SLC25A21: variants seen among roughly 807,000 people sequenced by gnomAD.
SLC25A21 encodes the protein solute carrier family 25 member 21.
In SLC25A21, 47 loss-of-function variants were observed where a neutral mutation model predicts 43.8. The ratio of observed to expected loss-of-function variants is 1.07; its 90% CI spans 0.85 to 1.37. The LOEUF (loss-of-function observed/expected upper bound fraction) is 1.37. Among genes scored for constraint, SLC25A21 ranks in the 40% most tolerant of loss-of-function variants. SLC25A21 has a pLI of 0.00. For missense variants in SLC25A21, 352 were observed against 350.2 expected, an observed-to-expected ratio of 1.00 and a Z score of -0.04; for synonymous variants, 131 against 121.3, an observed-to-expected ratio of 1.08 and a Z score of -0.52.
chr14:36,907,019 A>G (rs1891553685), intron 1 of SLC25A21, among the ~76,000 whole-genome samples: 1 of 152,138 alleles, frequency 6.6e-6, no homozygotes, highest in Admixed American at 6.6e-5. Context: ...GGATCATTGG[A>G]AAAATGCCAG....
chr14:37,154,459 A>AT (rs1345718161), intron 1 of SLC25A21, among the ~76,000 whole-genome samples: 4 of 124,506 alleles, frequency 3.2e-5, no homozygotes, highest in Admixed American at 1.6e-4. Context: ...CACAGGAAAC[A>AT]TAAAAAAAAA....
chr14:36,896,111 C>T (rs922988197), intron 1 of SLC25A21, among the ~76,000 whole-genome samples: 5 of 152,080 alleles, frequency 3.3e-5, no homozygotes, highest in African/African-American at 4.8e-5. Context: ...CTTTCTGTCT[C>T]GTTGATCTGT....
At chr14:36,682,785 G>C (rs1347047757) in intron 9 of SLC25A21, among the ~76,000 whole-genome samples, 1 of 152,318 alleles carries the variant, frequency 6.6e-6, no homozygotes, top group Middle Eastern at 3.4e-3. Context: ...CAAAATCCAT[G>C]TGTAAAGGCC....
At chr14:37,137,093 C>A (rs1348856147) in intron 1 of SLC25A21, among the ~76,000 whole-genome samples, 1 of 152,152 alleles carries the variant, frequency 6.6e-6, no homozygotes. Flanking sequence ...CTCCGCCTTC[C>A]GGGTTCACGC....
At chr14:36,962,860 G>T (rs1450125234) in intron 1 of SLC25A21, among the ~76,000 whole-genome samples, 1 of 152,088 alleles carries the variant, frequency 6.6e-6, no homozygotes, top group African/African-American at 2.4e-5. Context: ...CCAAACACAT[G>T]AAATTCATTT....
At chr14:36,748,820 C>T (rs1366261736) in intron 3 of SLC25A21, among the ~76,000 whole-genome samples, 1 of 152,186 alleles carries the variant, frequency 6.6e-6, no homozygotes, top group African/African-American at 2.4e-5. Context: ...TAACAGGCAT[C>T]TTGTAATTAG....
intron 7 of SLC25A21, among the ~76,000 whole-genome samples, chr14:36,689,436 T>A (rs892079036): frequency 6.6e-6 from 1 of 152,170 alleles, no homozygotes; most frequent in Non-Finnish European, 1.5e-5. Flanking sequence ...GTTGATTTTA[T>A]TAGGCTTGTA....
At position 36,694,915 on chromosome 14, in the gene SLC25A21, A is replaced by G. The variant is rs888406566; in HGVS notation, c.604-9990T>C. 1.8e-4 allele frequency among the ~76,000 whole-genome samples: 27 copies of G among 152,268 alleles called. 1 individual carries two copies. Among genetic ancestry groups the G allele is most frequent in the Non-Finnish European group, 3.2e-4 (22 of 68,030 alleles). Reference sequence around the variant, plus strand: ...CATGCAGAAGCTCTTTAGTTTAATTAGATCCCATTTGTCAGTTTTGGCTTT... The same window carrying G: ...CATGCAGAAGCTCTTTAGTTTAATTGGATCCCATTTGTCAGTTTTGGCTTT... On this transcript the variant is annotated intron_variant, in intron 7 of 9. Coordinates refer to ENST00000331299, the MANE Select transcript of SLC25A21 (RefSeq NM_030631.4).
chr14:36,913,651 G>A (rs928769205), intron 1 of SLC25A21, among the ~76,000 whole-genome samples: 6 of 152,160 alleles, frequency 3.9e-5, no homozygotes, highest in African/African-American at 1.4e-4. Flanking sequence ...GTAAAACAAG[G>A]GTTAAGTTTG....
At position 37,118,523 on chromosome 14, in the gene SLC25A21, C is replaced by A. The variant is rs1963148130; in HGVS notation, c.70+53758G>T. The stretch of plus-strand genomic sequence containing the variant: ...TAAAGCTCTTTCTCTATTGCAGTTC[C>A]CCTGCCTTGATAAATTGGCTTTATC... On this transcript the variant is annotated intron_variant, in intron 1 of 9. Coordinates refer to ENST00000331299, the MANE Select transcript of SLC25A21 (RefSeq NM_030631.4). Among the ~76,000 whole-genome samples, 3 of 152,180 alleles carry A rather than the reference C, an allele frequency of 2.0e-5. No individual in the cohort carries two copies. In the South Asian group the frequency reaches 6.2e-4, roughly 32 times the overall value.
intron 7 of SLC25A21, among the ~76,000 whole-genome samples, chr14:36,703,501 T>G (rs1883368965): frequency 6.6e-6 from 1 of 152,228 alleles, no homozygotes; most frequent in Non-Finnish European, 1.5e-5. Context: ...TTTGAAAAAT[T>G]GTTCTCTTTT....
chr14:36,868,111 G>A lies in SLC25A21; in HGVS notation c.119+6845C>T, dbSNP rs530458693. On this transcript the variant is annotated intron_variant, in intron 2 of 9. Coordinates refer to ENST00000331299, the MANE Select transcript of SLC25A21 (RefSeq NM_030631.4). ...AGGAGAGCGGAGAAAAGGAGGGAGA[G>A]AGGGAGAAAGAGAGTGTATCAGAGA... 4.6e-5 allele frequency among the ~76,000 whole-genome samples: 7 copies of A among 151,480 alleles called. No individual in the cohort carries two copies. In the South Asian group the frequency reaches 1.0e-3, roughly 23 times the overall value.
intron 2 of SLC25A21, among the ~76,000 whole-genome samples, chr14:36,869,714 C>A (rs569445096): frequency 2.6e-5 from 4 of 152,278 alleles, no homozygotes; most frequent in Admixed American, 2.6e-4. Flanking sequence ...TGGCCCCATA[C>A]CAGAAACAAG....
At chr14:37,134,212 T>A (rs976305128) in intron 1 of SLC25A21, among the ~76,000 whole-genome samples, 1 of 152,214 alleles carries the variant, frequency 6.6e-6, no homozygotes, top group Non-Finnish European at 1.5e-5. Flanking sequence ...ATTTTTGTAC[T>A]TGTGAGACTT....
At chr14:36,904,965 A>C (rs1377966748) in intron 1 of SLC25A21, among the ~76,000 whole-genome samples, 1 of 152,152 alleles carries the variant, frequency 6.6e-6, no homozygotes, top group Non-Finnish European at 1.5e-5. Flanking sequence ...GAAGTAGCAA[A>C]ACTGGCCCAG....
intron 1 of SLC25A21, among the ~76,000 whole-genome samples, chr14:36,989,888 A>T (rs1960227097): frequency 7.9e-6 from 1 of 126,418 alleles, no homozygotes; most frequent in African/African-American, 3.2e-5. Context: ...TTCCTTTTCA[A>T]AAAAAAAGGG....
In SLC25A21 at chr14:37,172,509, G is replaced by C; in HGVS notation, c.-159C>G. 3 of 808,600 alleles carry C rather than the reference G, an allele frequency of 3.7e-6. No individual in the cohort carries two copies. The highest frequency in any genetic ancestry group is 2.9e-5 in the South Asian group (2 of 68,908). The allele number at this position is 808,600 out of a possible 1,614,324, so 50.1% of individuals were successfully genotyped here. On this transcript the variant is annotated 5_prime_UTR_variant, in exon 1 of 10. Transcript: ENST00000331299. ...GGCGACTGCTGGAAAGCGAGGGTTCGAGGCGCAGATTCGTCGCGCGATCTC... is the reference window on the plus strand; with the variant it reads ...GGCGACTGCTGGAAAGCGAGGGTTCCAGGCGCAGATTCGTCGCGCGATCTC...
At chr14:36,706,469 C>CA (rs1883572416) in intron 7 of SLC25A21, among the ~76,000 whole-genome samples, 1 of 152,132 alleles carries the variant, frequency 6.6e-6, no homozygotes, top group Non-Finnish European at 1.5e-5. Context: ...CATCTATCTC[C>CA]AGCTCAGCTT....
chr14:36,719,881 G>A lies in SLC25A21; in HGVS notation c.438+5689C>T, dbSNP rs565522392. ...GAGGAGAGCCCGGGGCAGCTGGAGC[G>A]TGCACAGTACCTGTCGTTCTTGATG... On this transcript the variant is annotated intron_variant, in intron 6 of 9. Coordinates refer to ENST00000331299, the MANE Select transcript of SLC25A21 (RefSeq NM_030631.4). Among the ~76,000 whole-genome samples, 68 of 152,280 alleles carry A rather than the reference G, an allele frequency of 4.5e-4. 1 individual carries two copies. The South Asian group carries it at 0.013, about 29-fold the overall frequency.
Sources: allele counts gnomAD v4.1 joint callset (sites outside exome capture counted in the v4.1 genomes callset), GRCh38; gene constraint gnomAD v4.1.1; transcripts MANE v1.5; gene names NCBI Gene and HGNC (gene_info 2026-07-23, HGNC 2026-07-21).